Variants in TRPC5 observed in about 807,000 individuals in gnomAD.
The protein encoded by TRPC5 is transient receptor potential cation channel subfamily C member 5.
TRPC5 carries 9 observed loss-of-function variants against 56.5 expected under a neutral mutation model. The observed-to-expected ratio is 0.16, with a 90% CI of 0.10 to 0.28. The LOEUF (loss-of-function observed/expected upper bound fraction) is 0.28. TRPC5 is among the 10% of genes least tolerant of loss of function. TRPC5 has a pLI of 1.00. For synonymous variants in TRPC5, 282 were observed against 278.5 expected (o/e 1.01, Z -0.13); for missense variants, 469 against 748.9 (o/e 0.63, Z 4.36).
intron 2 of TRPC5, among the ~76,000 whole-genome samples, chrX:111,931,869 C>T (rs746918473): frequency 1.8e-5 from 2 of 111,317 alleles, no homozygotes; most frequent in South Asian, 3.8e-4. Context: ...TTGTGGGTAT[C>T]GAATAAGATA....
intron 1 of TRPC5, among the ~76,000 whole-genome samples, chrX:112,060,901 AC>A (rs759202976): frequency 1.9e-4 from 21 of 111,539 alleles, no homozygotes; most frequent in Admixed American, 9.5e-4. Context: ...GGAAAATAAA[AC>A]CTCTCTTTCT....
At chrX:112,077,897 A>T (rs1930871282) in intron 1 of TRPC5, among the ~76,000 whole-genome samples, 1 of 111,306 alleles carries the variant, frequency 9.0e-6, no homozygotes, top group Non-Finnish European at 1.9e-5. Context: ...TTTCGGAAAG[A>T]GTGTGACTGT....
At chrX:111,950,393 G>A (rs1927056293) in intron 2 of TRPC5, among the ~76,000 whole-genome samples, 2 of 111,762 alleles carry the variant, frequency 1.8e-5, no homozygotes, top group Non-Finnish European at 3.8e-5. Flanking sequence ...ATTTTCCTAA[G>A]TGAAGTAATT....
At chrX:112,008,736 C>T (rs1419603873) in intron 1 of TRPC5, among the ~76,000 whole-genome samples, 3 of 111,840 alleles carry the variant, frequency 2.7e-5, no homozygotes, top group Non-Finnish European at 5.6e-5. Context: ...ATAATAATAA[C>T]TACGTAATAA....
At chrX:111,782,213 C>A (rs2148549712) in intron 7 of TRPC5, 75 bp from the exon 8 acceptor site, 1 of 922,017 alleles carries the variant, frequency 1.1e-6, no homozygotes, top group East Asian at 3.2e-5. Context: ...TCTAAACTTT[C>A]TAGTTGCTTC....
intron 1 of TRPC5, among the ~76,000 whole-genome samples, chrX:111,960,144 A>G (rs774412220): frequency 1.8e-5 from 2 of 112,477 alleles, no homozygotes; most frequent in African/African-American, 6.4e-5. Flanking sequence ...AAACATTTTC[A>G]TCATTGTGGA....
chrX:111,931,250 C>T (rs146557311), intron 2 of TRPC5, among the ~76,000 whole-genome samples: 2,934 of 111,808 alleles, frequency 0.026, 106 homozygotes, highest in African/African-American at 0.089. Context: ...ACTTCTAGGG[C>T]GTTATTTTGA....
In TRPC5 at chrX:112,035,088, T is replaced by A. The variant is rs770933561; in HGVS notation, c.-22+46791A>T. Among the ~76,000 whole-genome samples, 817 of 95,491 alleles carry A rather than the reference T, an allele frequency of 8.6e-3. 5 individuals carry two copies. The highest frequency in any genetic ancestry group is 0.035 in the African/African-American group (773 of 22,397). The allele number at this position is 95,491 out of a possible 115,157, so 82.9% of individuals were successfully genotyped here. A position where few individuals can be genotyped will look rare whatever the true frequency, so the allele number is the denominator to read the frequency against. ...GATTTGAAGTTTTCCTTTTTTTTTT[T>A]TAAAAAAAAAAAAATGTAAGAGCTT... On this transcript the variant is annotated intron_variant, in intron 1 of 10. Coordinates refer to ENST00000262839, the MANE Select transcript of TRPC5 (RefSeq NM_012471.3).
In TRPC5 at chrX:111,963,710, A is replaced by G. The variant is rs1452319742; in HGVS notation, c.-21-11269T>C. 2.7e-5 allele frequency among the ~76,000 whole-genome samples: 3 copies of G among 112,141 alleles called. No homozygotes were observed. In the Admixed American group the frequency reaches 2.8e-4, roughly 11 times the overall value. Reference sequence around the variant, plus strand: ...GCCACCGCTGCTGATACCCAGGCAAATAGGGTCTGGAGTGGACCTCTAGCA... The same window carrying G: ...GCCACCGCTGCTGATACCCAGGCAAGTAGGGTCTGGAGTGGACCTCTAGCA... On this transcript the variant is annotated intron_variant, in intron 1 of 10. Coordinates refer to ENST00000262839, the MANE Select transcript of TRPC5 (RefSeq NM_012471.3).
chrX:111,839,250 C>T (rs1922656014), intron 6 of TRPC5, among the ~76,000 whole-genome samples: 1 of 111,652 alleles, frequency 9.0e-6, no homozygotes, highest in South Asian at 3.8e-4. Flanking sequence ...AGCCCCACCT[C>T]CTCTAGAAGC....
At chrX:111,919,028 G>A (rs943274236) in intron 2 of TRPC5, among the ~76,000 whole-genome samples, 5 of 111,435 alleles carry the variant, frequency 4.5e-5, no homozygotes, top group African/African-American at 9.8e-5. Flanking sequence ...AGAGTACTTT[G>A]GATAGCGACT....
At chrX:112,034,024 G>A (rs1261098797) in intron 1 of TRPC5, among the ~76,000 whole-genome samples, 1 of 112,125 alleles carries the variant, frequency 8.9e-6, no homozygotes, top group Non-Finnish European at 1.9e-5. Flanking sequence ...TAGTTTTTAG[G>A]ACTATGCTTT....
chrX:112,011,728 A>C (rs1026722350), intron 1 of TRPC5, among the ~76,000 whole-genome samples: 1 of 111,220 alleles, frequency 9.0e-6, no homozygotes, highest in African/African-American at 3.3e-5. Context: ...GAGTCCGTTC[A>C]TTCACTAAGC....
At chrX:111,944,308 G>GAA (rs1569528411) in intron 2 of TRPC5, among the ~76,000 whole-genome samples, 4 of 77,947 alleles carry the variant, frequency 5.1e-5, no homozygotes, top group African/African-American at 2.9e-4. Flanking sequence ...GTGTGTGAGA[G>GAA]AGAGAGAGAG....
chrX:112,006,827 A>T (rs1928857085), intron 1 of TRPC5, among the ~76,000 whole-genome samples: 1 of 111,915 alleles, frequency 8.9e-6, no homozygotes. Flanking sequence ...ATGGGTCCAG[A>T]TGGGGAGAAA....
chrX:112,079,414 C>G (rs1930910286), intron 1 of TRPC5, among the ~76,000 whole-genome samples: 1 of 112,119 alleles, frequency 8.9e-6, no homozygotes, highest in South Asian at 3.7e-4. Context: ...AGAATGTACT[C>G]CAAGGTTCCC....
At position 112,017,107 on chromosome X, in the gene TRPC5, G is replaced by A. The variant is rs767988139; in HGVS notation, c.-21-64666C>T. ...CGGCTCACTGCAACCTCTGCCTCCC[G>A]GGTTCAAGCAATTCTCCTGCCTCAG... On this transcript the variant is annotated intron_variant, in intron 1 of 10. Coordinates refer to ENST00000262839, the MANE Select transcript of TRPC5 (RefSeq NM_012471.3). 4.5e-5 allele frequency among the ~76,000 whole-genome samples: 5 copies of A among 111,433 alleles called. No homozygotes were observed. In the South Asian group the frequency reaches 1.1e-3, roughly 26 times the overall value.
intron 1 of TRPC5, among the ~76,000 whole-genome samples, chrX:111,962,065 T>C (rs1927397929): frequency 1.0e-5 from 1 of 97,209 alleles, no homozygotes; most frequent in Admixed American, 1.0e-4. Context: ...ATGGAAATAA[T>C]AGACACTGGG....
At chrX:111,804,558 G>T (rs1160730750) in intron 7 of TRPC5, among the ~76,000 whole-genome samples, 1 of 111,250 alleles carries the variant, frequency 9.0e-6, no homozygotes, top group Non-Finnish European at 1.9e-5. Flanking sequence ...TCCTTGAAGA[G>T]GTCCTTCACG....
Sources: gnomAD v4.1 joint callset for allele counts (sites outside exome capture counted in the v4.1 genomes callset) on GRCh38, gnomAD v4.1.1 for gene constraint, MANE v1.5 for transcripts, NCBI Gene and HGNC (gene_info 2026-07-23, HGNC 2026-07-21) for gene names.